The following CACNA1A variants were observed in gnomAD, a reference collection of about 807,000 sequenced individuals.
CACNA1A encodes the protein voltage-dependent P/Q-type calcium channel subunit alpha-1A.
In CACNA1A, 57 loss-of-function variants were observed where a neutral mutation model predicts 262.4. That is an observed-to-expected ratio of 0.22 (90% CI 0.18 to 0.27). The LOEUF (loss-of-function observed/expected upper bound fraction) is 0.27, where lower values mean the gene tolerates loss of function less well. Among genes scored for constraint, CACNA1A ranks in the 10% least tolerant of loss-of-function variants. The pLI is 1.00. For missense variants in CACNA1A, 2,526 were observed against 3,562.8 expected (o/e 0.71, Z 7.41); for synonymous variants, 1,431 against 1,419.3 (o/e 1.01, Z -0.18).
chr19:13,209,863 G>C (rs1467788459), intron 44 of CACNA1A, among the ~76,000 whole-genome samples: 1 of 152,178 alleles, frequency 6.6e-6, no homozygotes, highest in Non-Finnish European at 1.5e-5. Flanking sequence ...CACATCCAGG[G>C]TGCAAACCTG....
chr19:13,211,014 C>T (rs1021733905), intron 43 of CACNA1A: 8 of 275,746 alleles, frequency 2.9e-5, no homozygotes, highest in Non-Finnish European at 4.9e-5. Flanking sequence ...CCCCTGGCTC[C>T]GGCCGATGCT....
At chr19:13,343,975 C>T (rs962544995) in intron 6 of CACNA1A, among the ~76,000 whole-genome samples, 2 of 152,252 alleles carry the variant, frequency 1.3e-5, no homozygotes, top group African/African-American at 4.8e-5. Context: ...CTTTGGGGGG[C>T]TAAGGCAGGA....
chr19:13,348,680 CA>C (rs1346174351), intron 6 of CACNA1A, among the ~76,000 whole-genome samples: 1 of 152,050 alleles, frequency 6.6e-6, no homozygotes, highest in Admixed American at 6.6e-5. Context: ...TACTAAAATA[CA>C]AAAAATTAGC....
chr19:13,377,048 C>T (rs1227471054), intron 3 of CACNA1A, among the ~76,000 whole-genome samples: 1 of 151,938 alleles, frequency 6.6e-6, no homozygotes, highest in Non-Finnish European at 1.5e-5. Flanking sequence ...CAACCTCTGA[C>T]TCCCAGGTTC....
intron 35 of CACNA1A, 125 bp from the exon 36 acceptor site, chr19:13,230,334 A>C: frequency 1.1e-6 from 1 of 943,634 alleles, no homozygotes; most frequent in South Asian, 1.7e-5. Context: ...AGAGGCCCAG[A>C]TGGAGAGAGG....
chr19:13,290,756 C>CACAT (rs1555754051), intron 19 of CACNA1A, among the ~76,000 whole-genome samples: 3 of 151,832 alleles, frequency 2.0e-5, no homozygotes, highest in Admixed American at 1.3e-4. Context: ...TATACATACA[C>CACAT]ATATATATAC....
At chr19:13,432,777 T>C (rs1169055054) in intron 3 of CACNA1A, among the ~76,000 whole-genome samples, 1 of 152,218 alleles carries the variant, frequency 6.6e-6, no homozygotes, top group Non-Finnish European at 1.5e-5. Context: ...GATATGTTAA[T>C]TGGCTTGATT....
intron 24 of CACNA1A, 30 bp from the exon 25 acceptor site, chr19:13,262,863 G>C: frequency 6.7e-7 from 1 of 1,491,024 alleles, no homozygotes; most frequent in Non-Finnish European, 9.3e-7. Flanking sequence ...TGGGAAGAAG[G>C]GAAGAGAGGA....
chr19:13,360,265 G>GTGTATATATATATATATA (rs941666561), intron 5 of CACNA1A, among the ~76,000 whole-genome samples: 2 of 124,200 alleles, frequency 1.6e-5, no homozygotes, highest in African/African-American at 3.1e-5. Context: ...GTGTGTGTGT[G>GTGTATATATATATATATA]TATATATATA....
intron 3 of CACNA1A, among the ~76,000 whole-genome samples, chr19:13,422,574 A>G (rs1323174870): frequency 6.6e-6 from 1 of 152,204 alleles, no homozygotes; most frequent in African/African-American, 2.4e-5. Context: ...GAATATCTGT[A>G]TATCTAGGGC....
chr19:13,298,126 T>C (rs1022531464), intron 19 of CACNA1A, among the ~76,000 whole-genome samples: 1 of 135,076 alleles, frequency 7.4e-6, no homozygotes, highest in Admixed American at 7.7e-5. Flanking sequence ...CCTGGCCAAA[T>C]ACAGCACTTT....
intron 46 of CACNA1A, among the ~76,000 whole-genome samples, chr19:13,208,414 T>G (rs1036514662): frequency 2.6e-5 from 4 of 151,626 alleles, no homozygotes; most frequent in African/African-American, 9.7e-5. Context: ...AAATCATAAT[T>G]GAAACAAAAA....
intron 3 of CACNA1A, among the ~76,000 whole-genome samples, chr19:13,407,684 C>T (rs184606325): frequency 1.3e-5 from 2 of 152,290 alleles, no homozygotes; most frequent in East Asian, 3.9e-4. Flanking sequence ...TATGCTGCAA[C>T]AATGCTTCTC....
At chr19:13,402,382 G>T (rs777469223) in intron 3 of CACNA1A, among the ~76,000 whole-genome samples, 5 of 152,042 alleles carry the variant, frequency 3.3e-5, no homozygotes, top group African/African-American at 4.8e-5. Context: ...TTAGAGACTT[G>T]GGGGGAAGAG....
intron 38 of CACNA1A, among the ~76,000 whole-genome samples, chr19:13,216,792 TC>T (rs1355343806): frequency 1.3e-5 from 2 of 152,112 alleles, no homozygotes; most frequent in Non-Finnish European, 2.9e-5. Flanking sequence ...GCTCAAGCAA[TC>T]CACATTCTGA....
intron 21 of CACNA1A, 116 bp downstream of exon 21, chr19:13,284,952 G>A (rs1166389791): frequency 1.1e-6 from 1 of 947,486 alleles, no homozygotes; most frequent in Non-Finnish European, 1.6e-6. Context: ...CTTGTTCAAA[G>A]GTATCCCTGG....
chr19:13,227,814 G>A (rs1292132678), intron 36 of CACNA1A: 4 of 203,090 alleles, frequency 2.0e-5, no homozygotes, highest in East Asian at 1.0e-4. Context: ...CAGATTCAGC[G>A]TGGGCTCTGA....
rs1271824887 is a variant in CACNA1A at position 13,212,155 on chromosome 19, A to T, written c.6251T>A (p.Met2084Lys). 2 of 1,613,810 alleles carry T rather than the reference A, an allele frequency of 1.2e-6. No homozygotes were observed. The change falls in exon 43 of 47, where the codon ATG (methionine) becomes AAG (lysine). Residue 2084 changes from methionine to lysine, a missense_variant. Physicochemically the swap from Met to Lys is moderately conservative, Grantham distance 95. Around this residue, in one of 17 missense-constraint regions of CACNA1A, gnomAD observed 929 missense variants for 868.1 expected, o/e 1.07. Coordinates refer to ENST00000360228, the MANE Select transcript of CACNA1A (RefSeq NM_001127222.2). This position sits in a 1 kb window ranked among gnomAD's most constrained non-coding sequence, Gnocchi z 5.6. ...GYSDSEHYLPMEGQGRAASMP... is the reference protein window; with the variant it reads ...GYSDSEHYLPKEGQGRAASMP... ...GGAGGCAGCCCGGCCCTGGCCTTCC[A>T]TGGGGAGGTAGTGCTCGCTGTCGGA...
intron 15 of CACNA1A, 77 bp from the exon 16 acceptor site, chr19:13,303,961 GA>G: frequency 9.7e-7 from 1 of 1,034,918 alleles, no homozygotes; most frequent in South Asian, 1.4e-5. Context: ...TGTGGAGCCG[GA>G]ATCCGCCCAC....
Sources: gnomAD v4.1 joint callset for allele counts (sites outside exome capture counted in the v4.1 genomes callset) on GRCh38, gnomAD v4.1.1 for gene constraint, gnomAD v4.1.1 regional missense constraint, Gnocchi (gnomAD v3.1) non-coding constraint, MANE v1.5 for transcripts, NCBI Gene and HGNC (gene_info 2026-07-23, HGNC 2026-07-21) for gene names.